NEDD4: variants seen among roughly 807,000 people sequenced by gnomAD.
The protein encoded by NEDD4 is NEDD4 E3 ubiquitin protein ligase, also known as E3 ubiquitin-protein ligase NEDD4.
In NEDD4, 99 loss-of-function variants were observed where a neutral mutation model predicts 144.9. That is an observed-to-expected ratio of 0.68 (90% CI 0.58 to 0.81). The LOEUF (loss-of-function observed/expected upper bound fraction) is 0.81. Among genes scored for constraint, NEDD4 ranks in the 30% least tolerant of loss-of-function variants. The pLI is 0.00. For missense variants in NEDD4, 985 were observed against 1,065.9 expected (o/e 0.92, Z 1.06); for synonymous variants, 318 against 350.6 (o/e 0.91, Z 1.04).
chr15:55,895,911 G>C (rs1198671195), intron 5 of NEDD4, among the ~76,000 whole-genome samples: 1 of 152,172 alleles, frequency 6.6e-6, no homozygotes, highest in East Asian at 1.9e-4. Context: ...GTGCACTGTG[G>C]TATTCCAAGA....
At chr15:55,989,126 C>T (rs2037947692) in intron 1 of NEDD4, among the ~76,000 whole-genome samples, 1 of 152,082 alleles carries the variant, frequency 6.6e-6, no homozygotes, top group Non-Finnish European at 1.5e-5. Flanking sequence ...ATCCCAGCTA[C>T]CCTGGAGGGT....
intron 5 of NEDD4, among the ~76,000 whole-genome samples, chr15:55,880,707 A>C (rs1265625074): frequency 6.6e-6 from 1 of 152,160 alleles, no homozygotes; most frequent in African/African-American, 2.4e-5. Context: ...GTCTCAGAGT[A>C]ACAGTTATGT....
chr15:55,852,565 G>T (rs771766911), intron 12 of NEDD4, 22 bp from the exon 13 acceptor site: 4 of 1,609,658 alleles, frequency 2.5e-6, no homozygotes, highest in Non-Finnish European at 2.5e-6. Flanking sequence ...AATAACAGAA[G>T]AATTAAATAC....
In NEDD4 at chr15:55,988,962, G is replaced by A. The variant is rs777069155; in HGVS notation, c.45+4549C>T. 2.2e-4 allele frequency among the ~76,000 whole-genome samples: 34 copies of A among 152,266 alleles called. 2 individuals are homozygous for A. The highest frequency in any genetic ancestry group is 4.6e-4 in the Admixed American group (7 of 15,292). Reference sequence around the variant, plus strand: ...AAAATAATTTTAAAATAGGACGGGCGCGGTGCCTCACGCCTATAATCCCAG... The same window carrying A: ...AAAATAATTTTAAAATAGGACGGGCACGGTGCCTCACGCCTATAATCCCAG... On this transcript the variant is annotated intron_variant, in intron 1 of 28. Transcript: ENST00000435532.
At chr15:55,904,990 G>T (rs1229095842) in intron 5 of NEDD4, among the ~76,000 whole-genome samples, 1 of 151,772 alleles carries the variant, frequency 6.6e-6, no homozygotes, top group East Asian at 1.9e-4. Context: ...TACTCAGGAG[G>T]CTGAGGAAGG....
intron 4 of NEDD4, among the ~76,000 whole-genome samples, chr15:55,927,412 C>T (rs1390152406): frequency 6.6e-6 from 1 of 152,088 alleles, no homozygotes; most frequent in Admixed American, 6.6e-5. Context: ...GCAATCCTCC[C>T]ACCTCAGCCT....
intron 5 of NEDD4, among the ~76,000 whole-genome samples, chr15:55,906,642 G>GAA (rs2036107144): frequency 6.6e-6 from 1 of 151,688 alleles, no homozygotes; most frequent in Non-Finnish European, 1.5e-5. Flanking sequence ...TGGGGTGGGG[G>GAA]GCTGGGGGAG....
At chr15:55,856,301 G>T in intron 11 of NEDD4, 105 bp from the exon 12 acceptor site, 2 of 961,560 alleles carry the variant, frequency 2.1e-6, no homozygotes, top group Non-Finnish European at 3.2e-6. Flanking sequence ...GAAGAGAGAA[G>T]GCTGGCTAGG....
chr15:55,912,585 A>C (rs1422114735), intron 5 of NEDD4, among the ~76,000 whole-genome samples: 5 of 152,158 alleles, frequency 3.3e-5, no homozygotes, highest in African/African-American at 1.2e-4. Context: ...TCCTAACAAC[A>C]TAACATAGGA....
intron 5 of NEDD4, among the ~76,000 whole-genome samples, chr15:55,879,468 C>T (rs1195146391): frequency 2.0e-5 from 3 of 152,156 alleles, no homozygotes; most frequent in Non-Finnish European, 4.4e-5. Flanking sequence ...AAGTGAAGTC[C>T]ACTAGTCAGT....
At chr15:55,946,436 C>G (rs1307506074) in intron 4 of NEDD4, among the ~76,000 whole-genome samples, 1 of 152,166 alleles carries the variant, frequency 6.6e-6, no homozygotes, top group Non-Finnish European at 1.5e-5. Flanking sequence ...GTAAAGGGAT[C>G]AATTCAACAA....
rs565528482 is a variant in NEDD4 at position 55,874,042 on chromosome 15, A to G, written c.292-34T>C. 20 of 1,207,908 alleles carry G rather than the reference A, an allele frequency of 1.7e-5. No homozygotes were observed. The African/African-American group carries it at 2.9e-4, about 17-fold the overall frequency. The allele number at this position is 1,207,908 out of a possible 1,614,324, so 74.8% of individuals were successfully genotyped here. On this transcript the variant is annotated intron_variant, in intron 5 of 28. Transcript: ENST00000435532. The stretch of plus-strand genomic sequence containing the variant: ...GAAGGAAGAAAAAATATAATTAGTA[A>G]TACGCTCAATTCCTTTAGAAGAGTT...
chr15:55,992,459 C>T (rs1291869695), intron 1 of NEDD4, among the ~76,000 whole-genome samples: 2 of 152,198 alleles, frequency 1.3e-5, no homozygotes, highest in African/African-American at 4.8e-5. Context: ...TTAAATATTA[C>T]AATACTTAAG....
chr15:55,862,035 G>A (rs543987640), intron 9 of NEDD4, among the ~76,000 whole-genome samples: 41 of 152,180 alleles, frequency 2.7e-4, no homozygotes, highest in African/African-American at 9.6e-4. Context: ...ATGCAACAGC[G>A]CAATTCTACA....
In NEDD4 at chr15:55,860,748, G is replaced by C. The variant is rs1172426678; in HGVS notation, c.705C>G (p.Asn235Lys). ...QDNLTDAENG[N>K]IQLQAQRAFT... ...ATGCACGTTGTGCTTGCAGTTGAAT[G>C]TTGCCATTCTCAGCATCTGTTAGGT... The change falls in exon 10 of 29, where the codon AAC becomes AAG. Residue 235 changes from asparagine to lysine, a missense_variant. Asn to Lys is a moderately conservative substitution (Grantham distance 94, BLOSUM62 0). Coordinates refer to ENST00000435532, the MANE Select transcript of NEDD4 (RefSeq NM_006154.4). 1 of 1,613,998 alleles carries C rather than the reference G, an allele frequency of 6.2e-7. No homozygotes were observed. The highest frequency in any genetic ancestry group is 8.5e-7 in the Non-Finnish European group (1 of 1,180,008).
At chr15:55,888,905 G>T (rs1055470252) in intron 5 of NEDD4, among the ~76,000 whole-genome samples, 1 of 152,092 alleles carries the variant, frequency 6.6e-6, no homozygotes, top group Admixed American at 6.5e-5. Context: ...ACATGCAAAA[G>T]AAACAAACTA....
At chr15:55,993,328 A>G (rs1377451396) in intron 1 of NEDD4, among the ~76,000 whole-genome samples, 183 bp downstream of exon 1, 1 of 152,026 alleles carries the variant, frequency 6.6e-6, no homozygotes, top group Non-Finnish European at 1.5e-5. Context: ...GCGAGCCCCC[A>G]GCGCCCGCGC....
chr15:55,966,622 A>G (rs1044823202), intron 1 of NEDD4, 76 bp from the exon 2 acceptor site: 6 of 640,906 alleles, frequency 9.4e-6, no homozygotes, highest in Non-Finnish European at 1.5e-5. Flanking sequence ...AAAAATATAT[A>G]TCAAATAAAG....
At chr15:55,900,771 T>C (rs888893347) in intron 5 of NEDD4, among the ~76,000 whole-genome samples, 10 of 152,172 alleles carry the variant, frequency 6.6e-5, no homozygotes, top group African/African-American at 1.7e-4. Context: ...ACTTTGCTTT[T>C]ACCCTGTCAA....
Sources: allele counts gnomAD v4.1 joint callset (sites outside exome capture counted in the v4.1 genomes callset), GRCh38; gene constraint gnomAD v4.1.1; transcripts MANE v1.5; gene names NCBI Gene and HGNC (gene_info 2026-07-23, HGNC 2026-07-21).